The following ICAM2 variants were observed in gnomAD, a reference collection of about 807,000 sequenced individuals.
The protein encoded by ICAM2 is intercellular adhesion molecule 2.
ICAM2 carries 14 observed loss-of-function variants against 19.1 expected under a neutral mutation model. The ratio of observed to expected loss-of-function variants is 0.73; its 90% CI spans 0.48 to 1.15. The LOEUF (loss-of-function observed/expected upper bound fraction) is 1.15. Ranked by LOEUF, ICAM2 falls within the 50% of genes most tolerant of loss-of-function variation. The probability of loss-of-function intolerance (pLI) is 0.00; values close to 1 mark genes in which losing one functional copy is unlikely to be tolerated. For synonymous variants in ICAM2, 153 were observed against 152.7 expected, an observed-to-expected ratio of 1.00 and a Z score of -0.01; for missense variants, 311 against 355.4, an observed-to-expected ratio of 0.88 and a Z score of 1.00.
intron 1 of ICAM2, among the ~76,000 whole-genome samples, chr17:64,019,445 A>G (rs936189278): frequency 1.3e-5 from 2 of 152,154 alleles, no homozygotes; most frequent in African/African-American, 2.4e-5. Flanking sequence ...GTAATAAAGC[A>G]CTTAAAAATA....
chr17:64,009,578 G>T (rs12602435), intron 1 of ICAM2, among the ~76,000 whole-genome samples: 42,690 of 152,060 alleles, frequency 0.28, 7,005 homozygotes, highest in Admixed American at 0.39. Flanking sequence ...CTCCTGAGTA[G>T]CTAGGATTAC....
intron 1 of ICAM2, among the ~76,000 whole-genome samples, chr17:64,017,855 T>C (rs1488084984): frequency 1.3e-5 from 2 of 152,152 alleles, no homozygotes; most frequent in Non-Finnish European, 2.9e-5. Flanking sequence ...ATCAATTGAT[T>C]AACCATATAG....
rs188273506 is a variant in ICAM2, at chr17:64,005,009, A to T, written c.328+98T>A. ...CTCAGGGAGGCAGGGCCCCACGATGACAGTGCCCAGGAGCAGGCACAGAGG... is the reference window on the plus strand; with the variant it reads ...CTCAGGGAGGCAGGGCCCCACGATGTCAGTGCCCAGGAGCAGGCACAGAGG... On this transcript the variant is annotated intron_variant, in intron 3 of 4. Coordinates refer to ENST00000579788, the MANE Select transcript of ICAM2 (RefSeq NM_001099789.2). 1.5e-4 allele frequency: 203 copies of T among 1,384,454 alleles called. No individual in the cohort carries two copies. The African/African-American group carries it at 2.7e-3, about 18-fold the overall frequency. 85.8% of individuals were successfully genotyped at this position (1,384,454 alleles called of 1,614,324 possible).
At chr17:64,018,374 T>A (rs1911803024) in intron 1 of ICAM2, among the ~76,000 whole-genome samples, 1 of 148,134 alleles carries the variant, frequency 6.8e-6, no homozygotes, top group Non-Finnish European at 1.5e-5. Context: ...AAGAAACATT[T>A]CAAAGAAAAG....
At chr17:64,009,936 A>C (rs1911380689) in intron 1 of ICAM2, among the ~76,000 whole-genome samples, 1 of 152,180 alleles carries the variant, frequency 6.6e-6, no homozygotes, top group Non-Finnish European at 1.5e-5. Flanking sequence ...AATTGATGCC[A>C]GCTGGCCTGA....
Position 64,016,896 on chromosome 17 carries a change from C to T in ICAM2, c.-45+3627G>A, listed in dbSNP as rs986770166. ...AACAGATTTAAAAAGAAAAAACATACGATAATATCAACAGATTAAAAAAAT... is the reference window on the plus strand; with the variant it reads ...AACAGATTTAAAAAGAAAAAACATATGATAATATCAACAGATTAAAAAAAT... On this transcript the variant is annotated intron_variant, in intron 1 of 4. Coordinates refer to ENST00000579788, the MANE Select transcript of ICAM2 (RefSeq NM_001099789.2). 7.9e-5 allele frequency among the ~76,000 whole-genome samples: 12 copies of T among 152,270 alleles called. No homozygotes were observed. In the East Asian group the frequency reaches 1.3e-3, roughly 17 times the overall value.
At chr17:64,016,776 A>T (rs1408730870) in intron 1 of ICAM2, among the ~76,000 whole-genome samples, 3 of 152,160 alleles carry the variant, frequency 2.0e-5, no homozygotes, top group Non-Finnish European at 4.4e-5. Context: ...CACCTCTCAA[A>T]TAACCTATCT....
chr17:64,017,753 A>G (rs2143252641), intron 1 of ICAM2, among the ~76,000 whole-genome samples: 1 of 152,368 alleles, frequency 6.6e-6, no homozygotes, highest in Non-Finnish European at 1.5e-5. Flanking sequence ...AAGAGCCCAG[A>G]AATACACCTA....
chr17:64,005,724 A>T (rs554105747), intron 2 of ICAM2, among the ~76,000 whole-genome samples: 2 of 152,250 alleles, frequency 1.3e-5, no homozygotes, highest in Non-Finnish European at 2.9e-5. Flanking sequence ...AGGTCAGCCC[A>T]AATGTCCCCT....
chr17:64,008,538 C>T (rs537005565), intron 1 of ICAM2, among the ~76,000 whole-genome samples: 3 of 152,330 alleles, frequency 2.0e-5, no homozygotes, highest in East Asian at 3.9e-4. Flanking sequence ...GGTACTGTTA[C>T]TGTCTCCATC....
At chr17:64,016,885 GA>G (rs1241221298) in intron 1 of ICAM2, among the ~76,000 whole-genome samples, 2 of 151,992 alleles carry the variant, frequency 1.3e-5, no homozygotes, top group Non-Finnish European at 2.9e-5. Flanking sequence ...GATTTAAAAA[GA>G]AAAAACATAC....
At chr17:64,013,886 T>C (rs1384101540) in intron 1 of ICAM2, among the ~76,000 whole-genome samples, 1 of 151,990 alleles carries the variant, frequency 6.6e-6, no homozygotes, top group East Asian at 1.9e-4. Context: ...AATTTTAACA[T>C]ATGTCTCTTA....
In ICAM2 at chr17:64,002,628, G is replaced by T; in HGVS notation, c.*119C>A. 1 of 872,360 alleles carries T rather than the reference G, an allele frequency of 1.1e-6. No homozygotes were observed. The highest frequency in any genetic ancestry group is 2.5e-5 in the Admixed American group (1 of 39,592). 54.0% of individuals were successfully genotyped at this position (872,360 alleles called of 1,614,324 possible). A position where few individuals can be genotyped will look rare whatever the true frequency, so the allele number is the denominator to read the frequency against. On this transcript the variant is annotated 3_prime_UTR_variant, in exon 5 of 5. Transcript: ENST00000579788. ...GGTGTTTGTATTCGGGCTAGAAAAG[G>T]CAATGTCCCAAGTCTCTGCTGCCTG...
At position 64,014,331 on chromosome 17, in the gene ICAM2, GA is replaced by G. The variant is rs1442790600; in HGVS notation, c.-45+6191del. Among the ~76,000 whole-genome samples, 144 of 34,522 alleles carry G rather than the reference GA, an allele frequency of 4.2e-3. 6 individuals carry two copies. The highest frequency in any genetic ancestry group is 5.7e-3 in the Non-Finnish European group (102 of 17,920). 22.6% of individuals were successfully genotyped at this position (34,522 alleles called of 152,430 possible). On this transcript the variant is annotated intron_variant, in intron 1 of 4. Coordinates refer to ENST00000579788, the MANE Select transcript of ICAM2 (RefSeq NM_001099789.2). ...TGAAAGAAGGAAGGAAGGAAGGAAG[GA>G]AAGAAAGAAAGAAAGAAAGAAAGAA...
intron 4 of ICAM2, chr17:64,003,362 T>A: frequency 2.0e-6 from 1 of 493,792 alleles, no homozygotes; most frequent in Non-Finnish European, 3.6e-6. Context: ...CAGGCCAAAC[T>A]TCTCATTGTG....
chr17:64,020,026 G>A (rs1483133719), intron 1 of ICAM2, among the ~76,000 whole-genome samples: 1 of 152,078 alleles, frequency 6.6e-6, no homozygotes, highest in Admixed American at 6.6e-5. Flanking sequence ...TGCCTAGAAA[G>A]AAGAGGCTTC....
At chr17:64,016,163 T>C (rs1431449509) in intron 1 of ICAM2, among the ~76,000 whole-genome samples, 1 of 152,164 alleles carries the variant, frequency 6.6e-6, no homozygotes, top group African/African-American at 2.4e-5. Flanking sequence ...GCAACAGTTA[T>C]AAGAAAAATA....
intron 1 of ICAM2, 36 bp downstream of exon 1, chr17:64,020,487 G>C (rs1463031080): frequency 2.6e-5 from 4 of 152,176 alleles, no homozygotes; most frequent in Non-Finnish European, 4.4e-5. Flanking sequence ...ATGCTGCCAC[G>C]CTTCATTGGA....
At position 64,003,823 on chromosome 17, in the gene ICAM2, T is replaced by C. The variant is rs559484437; in HGVS notation, c.470A>G (p.His157Arg). Reference sequence around the variant, plus strand: ...GGCTGCCTTCCCGAAGGTCTCATAGTGCAGAGTCTCATTGCCACGGAACAG... The same window carrying C: ...GGCTGCCTTCCCGAAGGTCTCATAGCGCAGAGTCTCATTGCCACGGAACAG... Reference protein sequence around the residue: ...LFLFRGNETLHYETFGKAAPA... With the variant: ...LFLFRGNETLRYETFGKAAPA... The change falls in exon 4 of 5, where the codon CAC becomes CGC. Residue 157 changes from histidine (H) to arginine (R), a missense_variant. Physicochemically the swap from His to Arg is conservative, Grantham distance 29 (BLOSUM62 0). Coordinates refer to ENST00000579788, the MANE Select transcript of ICAM2 (RefSeq NM_001099789.2). 2.5e-6 allele frequency: 4 copies of C among 1,614,232 alleles called. No homozygotes were observed. The South Asian group carries it at 3.3e-5, about 13-fold the overall frequency.
Sources: allele counts gnomAD v4.1 joint callset (sites outside exome capture counted in the v4.1 genomes callset), GRCh38; gene constraint gnomAD v4.1.1; transcripts MANE v1.5; gene names NCBI Gene and HGNC (gene_info 2026-07-23, HGNC 2026-07-21).